Variants in ADGRL2 observed in about 807,000 individuals in gnomAD.
ADGRL2 encodes the protein calcium-independent alpha-latrotoxin receptor 2.
In ADGRL2, 44 loss-of-function variants were observed where a neutral mutation model predicts 157.4. The observed-to-expected ratio is 0.28, with a 90% CI of 0.22 to 0.36. The LOEUF is 0.36. ADGRL2 is among the 10% of genes least tolerant of loss of function. The pLI is 1.00. For missense variants in ADGRL2, 1,510 were observed against 1,768.9 expected (o/e 0.85, Z 2.63); for synonymous variants, 585 against 624.7 (o/e 0.94, Z 0.95).
At chr1:81,787,954 C>T (rs1330557306) in intron 2 of ADGRL2, among the ~76,000 whole-genome samples, 1 of 151,888 alleles carries the variant, frequency 6.6e-6, no homozygotes, top group Admixed American at 6.6e-5. Context: ...TATTGAGCAC[C>T]AGAGCTCAAA....
intron 23 of ADGRL2, 61 bp downstream of exon 23, chr1:81,987,947 C>A: frequency 3.2e-6 from 1 of 311,296 alleles, no homozygotes; most frequent in East Asian, 1.2e-4. Flanking sequence ...TGATTTTTAA[C>A]GGGCACAATT....
chr1:81,937,386 TG>T (rs2095326157), intron 4 of ADGRL2, among the ~76,000 whole-genome samples: 1 of 151,842 alleles, frequency 6.6e-6, no homozygotes, highest in Admixed American at 6.6e-5. Flanking sequence ...ACCTTGCACA[TG>T]GTTCTGTTTT....
chr1:81,806,039 C>T (rs1447128918), intron 1 of ADGRL2, among the ~76,000 whole-genome samples: 1 of 151,998 alleles, frequency 6.6e-6, no homozygotes, highest in Non-Finnish European at 1.5e-5. Context: ...CATTTTCAAT[C>T]ACTGGGTTAC....
In ADGRL2 at chr1:81,484,808, A is replaced by G. The variant is rs906905566; in HGVS notation, c.-248+39719A>G. 2.0e-4 allele frequency among the ~76,000 whole-genome samples: 30 copies of G among 152,066 alleles called. 1 individual carries two copies. The highest frequency in any genetic ancestry group is 7.0e-4 in the African/African-American group (29 of 41,422). On this transcript the variant is annotated intron_variant, in intron 2 of 24. Transcript: ENST00000370721. ...ATGTTGAAATATCTAAATATCATTTATTTGTTCCATTGATACTGGAGGATT... is the reference window on the plus strand; with the variant it reads ...ATGTTGAAATATCTAAATATCATTTGTTTGTTCCATTGATACTGGAGGATT...
rs1348785359 is a variant in ADGRL2, at chr1:81,993,320, A to G, written c.*2175A>G. ...GATAATCAAGTATTTTTAATTTTCC[A>G]TCTTGTTATACTTTTTATTTTAAAT... On this transcript the variant is annotated 3_prime_UTR_variant, in exon 24 of 24. Coordinates refer to ENST00000686636, the MANE Select transcript of ADGRL2 (RefSeq NM_001366006.2). Among the ~76,000 whole-genome samples the G allele has an allele frequency of 6.6e-6, 1 of 151,588 alleles. No individual in the cohort carries two copies. The highest frequency in any genetic ancestry group is 6.6e-5 in the Admixed American group (1 of 15,190).
chr1:81,443,120 T>A (rs1031376279), intron 1 of ADGRL2, among the ~76,000 whole-genome samples: 2 of 152,124 alleles, frequency 1.3e-5, no homozygotes, highest in Non-Finnish European at 2.9e-5. Context: ...TTCTGCTGTT[T>A]AAAAGTTTAC....
At chr1:81,386,539 C>A (rs1436386766) in intron 1 of ADGRL2, among the ~76,000 whole-genome samples, 1 of 152,108 alleles carries the variant, frequency 6.6e-6, no homozygotes, top group African/African-American at 2.4e-5. Flanking sequence ...CACGCATTGC[C>A]TTTGTCCTGG....
intron 1 of ADGRL2, among the ~76,000 whole-genome samples, chr1:81,364,901 T>A (rs1309665470): frequency 6.6e-6 from 1 of 152,042 alleles, no homozygotes; most frequent in Non-Finnish European, 1.5e-5. Context: ...TGAGCTCAAA[T>A]GATCCACACA....
intron 1 of ADGRL2, among the ~76,000 whole-genome samples, chr1:81,406,016 T>G (rs1393438172): frequency 6.6e-6 from 1 of 152,212 alleles, no homozygotes; most frequent in East Asian, 1.9e-4. Flanking sequence ...TTTACTGTAA[T>G]TATCTTGAAA....
chr1:81,990,217 A>G (rs1278098783), intron 23 of ADGRL2, 174 bp from the exon 24 acceptor site: 2 of 985,092 alleles, frequency 2.0e-6, no homozygotes, highest in African/African-American at 3.5e-5. Context: ...CCTGTTATCT[A>G]AGGGGTTGCA....
At chr1:81,353,248 C>T (rs1344932638) in intron 1 of ADGRL2, among the ~76,000 whole-genome samples, 4 of 152,182 alleles carry the variant, frequency 2.6e-5, no homozygotes, top group South Asian at 2.1e-4. Context: ...GTATGAGAAT[C>T]GGATCCTTGC....
At position 81,429,531 on chromosome 1, in the gene ADGRL2, A is replaced by G. The variant is rs529963728; in HGVS notation, c.-301-15505A>G. Among the ~76,000 whole-genome samples, 8 of 152,358 alleles carry G rather than the reference A, an allele frequency of 5.3e-5. No individual in the cohort carries two copies. In the East Asian group the frequency reaches 1.4e-3, roughly 26 times the overall value. ...CCATTGGTTGCCTGTCCTAAGAAAC[A>G]TGAGTCTCCTGATATTTCAAATTGG... On this transcript the variant is annotated intron_variant, in intron 1 of 24. Transcript: ENST00000370721.
At chr1:81,427,557 ATGG>A in intron 1 of ADGRL2, 1 of 743,674 alleles carries the variant, frequency 1.3e-6, no homozygotes, top group Non-Finnish European at 2.5e-6. Context: ...CATCCCTATG[ATGG>A]TGGTTATGGA....
intron 2 of ADGRL2, among the ~76,000 whole-genome samples, chr1:81,478,715 G>T (rs908325466): frequency 6.6e-6 from 1 of 152,062 alleles, no homozygotes; most frequent in Non-Finnish European, 1.5e-5. Context: ...TAAGGAAGTC[G>T]CTACACTGCC....
intron 2 of ADGRL2, among the ~76,000 whole-genome samples, chr1:81,541,291 G>A (rs749861853): frequency 1.3e-5 from 2 of 152,210 alleles, no homozygotes; most frequent in Admixed American, 1.3e-4. Flanking sequence ...GAACCAGGAT[G>A]CAACCAATGT....
At chr1:81,319,191 C>T (rs768101014) in intron 1 of ADGRL2, among the ~76,000 whole-genome samples, 4 of 151,910 alleles carry the variant, frequency 2.6e-5, no homozygotes, top group Non-Finnish European at 5.9e-5. Flanking sequence ...AAGTGATCCA[C>T]CTGCCTCGGC....
At chr1:81,920,513 T>C (rs75018064) in intron 3 of ADGRL2, among the ~76,000 whole-genome samples, 1,680 of 152,216 alleles carry the variant, frequency 0.011, 15 homozygotes, top group Non-Finnish European at 0.017. Flanking sequence ...TCTTAAACTC[T>C]TCTCCCCAGA....
At chr1:81,495,733 C>A (rs1246100868) in intron 2 of ADGRL2, among the ~76,000 whole-genome samples, 2 of 152,106 alleles carry the variant, frequency 1.3e-5, no homozygotes, top group Non-Finnish European at 2.9e-5. Flanking sequence ...ATTTAGCATG[C>A]TTTTGTTGAG....
chr1:81,440,701 T>C (rs2077492168), intron 1 of ADGRL2, among the ~76,000 whole-genome samples: 1 of 152,170 alleles, frequency 6.6e-6, no homozygotes, highest in Non-Finnish European at 1.5e-5. Context: ...TCAAACTAGT[T>C]CTTTCTTTTG....
Sources: gnomAD v4.1 joint callset for allele counts (sites outside exome capture counted in the v4.1 genomes callset) on GRCh38, gnomAD v4.1.1 for gene constraint, MANE v1.5 for transcripts, NCBI Gene and HGNC (gene_info 2026-07-23, HGNC 2026-07-21) for gene names.